The following CADPS2 variants were observed in gnomAD, a reference collection of about 807,000 sequenced individuals.
The protein encoded by CADPS2 is calcium dependent secretion activator 2, also known as calcium-dependent secretion activator 2.
Under a neutral mutation model 172.5 loss-of-function variants are expected in CADPS2, and 93 were observed. The ratio of observed to expected loss-of-function variants is 0.54; its 90% confidence interval spans 0.46 to 0.64. CADPS2 has a LOEUF of 0.64. Ranked by LOEUF, CADPS2 falls within the 30% of genes least tolerant of loss-of-function variation. The probability of loss-of-function intolerance (pLI) is 0.00; values close to 1 mark genes in which losing one functional copy is unlikely to be tolerated. For missense variants in CADPS2, 1,420 were observed against 1,565.9 expected (o/e 0.91, Z 1.57); for synonymous variants, 546 against 555.2 (o/e 0.98, Z 0.23).
intron 2 of CADPS2, among the ~76,000 whole-genome samples, chr7:122,678,622 A>C (rs2082630988): frequency 2.0e-5 from 3 of 152,170 alleles, no homozygotes; most frequent in Non-Finnish European, 2.9e-5. Context: ...GGGTTGCACC[A>C]CTACTGTGGG....
chr7:122,468,894 T>C (rs889605052), intron 14 of CADPS2, among the ~76,000 whole-genome samples: 1 of 152,192 alleles, frequency 6.6e-6, no homozygotes, highest in Non-Finnish European at 1.5e-5. Context: ...TATTTCTTCC[T>C]TTCTTTTTCT....
intron 2 of CADPS2, among the ~76,000 whole-genome samples, chr7:122,722,839 T>C (rs556180328): frequency 4.6e-5 from 7 of 151,442 alleles, no homozygotes; most frequent in African/African-American, 1.2e-4. Context: ...GAGATATAGA[T>C]CAATGGAACA....
At position 122,497,827 on chromosome 7, in the gene CADPS2, G is replaced by A. The variant is rs542165972; in HGVS notation, c.1543-6407C>T. Among the ~76,000 whole-genome samples, 54 of 152,212 alleles carry A rather than the reference G, an allele frequency of 3.5e-4. No homozygotes were observed. The South Asian group carries it at 6.0e-3, about 17-fold the overall frequency. On this transcript the variant is annotated intron_variant, in intron 9 of 29. Transcript: ENST00000449022. Reference sequence around the variant, plus strand: ...GTCTTTAATTTGTTCTTACTCAGGCGTAATGGTTTAGTTACTTACATAGTG... The same window carrying A: ...GTCTTTAATTTGTTCTTACTCAGGCATAATGGTTTAGTTACTTACATAGTG...
chr7:122,518,064 T>C (rs1196328659), intron 8 of CADPS2, among the ~76,000 whole-genome samples: 1 of 152,004 alleles, frequency 6.6e-6, no homozygotes, highest in African/African-American at 2.4e-5. Context: ...AAAAGTTACA[T>C]TTAACCTGAT....
Position 122,690,695 on chromosome 7 carries a change from T to A in CADPS2, c.454-27126A>T, listed in dbSNP as rs530451113. Among the ~76,000 whole-genome samples the A allele has an allele frequency of 6.6e-5, 10 of 152,302 alleles. No individual in the cohort carries two copies. The East Asian group carries it at 1.9e-3, about 29-fold the overall frequency. Reference sequence around the variant, plus strand: ...ATGTGGGTTGGTGACTAGGTAATTCTATAACTTTCACATAATTAACAACAA... The same window carrying A: ...ATGTGGGTTGGTGACTAGGTAATTCAATAACTTTCACATAATTAACAACAA... On this transcript the variant is annotated intron_variant, in intron 2 of 29. Transcript: ENST00000449022.
At chr7:122,469,508 A>AC (rs935095219) in intron 14 of CADPS2, among the ~76,000 whole-genome samples, 4 of 151,774 alleles carry the variant, frequency 2.6e-5, no homozygotes, top group South Asian at 2.1e-4. Context: ...TGACCCCTGT[A>AC]CCCCCCCATT....
rs1206253147 is a variant in CADPS2, at chr7:122,663,309, T to C, written c.714A>G (p.Gln238=). The change falls in exon 3 of 30, where the codon CAA becomes CAG. Residue 238 remains glutamine, a synonymous_variant. Coordinates refer to ENST00000449022, the MANE Select transcript of CADPS2 (RefSeq NM_017954.11). The part of the protein sequence containing the change: ...AVSELILSKE[Q]LYEMFQQILG... ...GAATCTGCTGAAACATTTCATAGAG[T>C]TGTTCCTTGCTCAGAATAAGTTCAG... 1 of 1,613,720 alleles carries C rather than the reference T, an allele frequency of 6.2e-7. No individual in the cohort carries two copies. The highest frequency in any genetic ancestry group is 8.5e-7 in the Non-Finnish European group (1 of 1,179,848).
At chr7:122,409,479 TCAAAACAG>T in intron 19 of CADPS2, 1 of 282,666 alleles carries the variant, frequency 3.5e-6, no homozygotes, top group Middle Eastern at 1.0e-3. Flanking sequence ...TTTTTTTTTT[TCAAAACAG>T]CTTCAGGTTG....
chr7:122,846,317 G>A (rs1035619758), intron 1 of CADPS2, among the ~76,000 whole-genome samples: 1 of 152,110 alleles, frequency 6.6e-6, no homozygotes, highest in African/African-American at 2.4e-5. Flanking sequence ...GCAAACTAAA[G>A]CAAAAGGTAT....
At chr7:122,321,566 G>A (rs2032527753) in intron 29 of CADPS2, among the ~76,000 whole-genome samples, 1 of 152,174 alleles carries the variant, frequency 6.6e-6, no homozygotes, top group Non-Finnish European at 1.5e-5. Context: ...TTGGCTCACA[G>A]CAGCCTTCGC....
intron 2 of CADPS2, among the ~76,000 whole-genome samples, chr7:122,712,838 AG>A (rs2088973277): frequency 6.6e-6 from 1 of 152,000 alleles, no homozygotes; most frequent in Non-Finnish European, 1.5e-5. Flanking sequence ...GGAAAGAGTA[AG>A]GGGGTCTCTC....
intron 15 of CADPS2, among the ~76,000 whole-genome samples, chr7:122,446,396 T>A (rs2052208464): frequency 6.6e-6 from 1 of 152,170 alleles, no homozygotes; most frequent in South Asian, 2.1e-4. Flanking sequence ...TTTGGCCTAT[T>A]TGAATCTTGA....
At chr7:122,827,706 G>C (rs935418038) in intron 1 of CADPS2, among the ~76,000 whole-genome samples, 8 of 151,574 alleles carry the variant, frequency 5.3e-5, no homozygotes, top group African/African-American at 9.7e-5. Flanking sequence ...TAAAAGGTAG[G>C]AGAGAATACT....
At chr7:122,332,859 A>G (rs2035214533) in intron 28 of CADPS2, among the ~76,000 whole-genome samples, 2 of 152,220 alleles carry the variant, frequency 1.3e-5, no homozygotes, top group Non-Finnish European at 2.9e-5. Flanking sequence ...AAACTACATG[A>G]AAAATATTTA....
At chr7:122,810,610 A>G (rs1038626472) in intron 1 of CADPS2, among the ~76,000 whole-genome samples, 7 of 152,162 alleles carry the variant, frequency 4.6e-5, no homozygotes. Context: ...TGTTTAAGAA[A>G]GCAATATAAC....
At chr7:122,691,966 C>T (rs927795663) in intron 2 of CADPS2, among the ~76,000 whole-genome samples, 5 of 152,296 alleles carry the variant, frequency 3.3e-5, no homozygotes, top group Admixed American at 1.3e-4. Context: ...CAGCTCTGCC[C>T]GGAAATTTAT....
At chr7:122,605,211 AGTAAGTGG>A (rs1268611140) in intron 6 of CADPS2, among the ~76,000 whole-genome samples, 2 of 152,138 alleles carry the variant, frequency 1.3e-5, no homozygotes, top group African/African-American at 4.8e-5. Context: ...TGAGTCAGTG[AGTAAGTGG>A]TGAGTAAATG....
At chr7:122,560,046 G>A (rs1267067702) in intron 7 of CADPS2, among the ~76,000 whole-genome samples, 1 of 152,126 alleles carries the variant, frequency 6.6e-6, no homozygotes, top group East Asian at 1.9e-4. Flanking sequence ...AGAGAGAGGT[G>A]ACTGGAGACC....
chr7:122,633,862 C>G (rs1040487300), intron 3 of CADPS2, among the ~76,000 whole-genome samples: 5 of 151,998 alleles, frequency 3.3e-5, no homozygotes, highest in Admixed American at 1.3e-4. Context: ...TTATATGTTT[C>G]TTCAATACCT....
Sources: allele counts gnomAD v4.1 joint callset (sites outside exome capture counted in the v4.1 genomes callset), GRCh38; gene constraint gnomAD v4.1.1; transcripts MANE v1.5; gene names NCBI Gene and HGNC (gene_info 2026-07-23, HGNC 2026-07-21).